Variants in TRIM50 observed in about 807,000 individuals in gnomAD.
TRIM50 encodes the protein tripartite motif containing 50, also known as E3 ubiquitin-protein ligase TRIM50.
A neutral mutation model predicts 44.9 loss-of-function variants in TRIM50; 34 were observed. That is an observed-to-expected ratio of 0.76 (90% CI 0.58 to 1.01). The LOEUF is 1.01. Among genes scored for constraint, TRIM50 ranks in the 50% least tolerant of loss-of-function variants. The pLI is 0.00. For synonymous variants in TRIM50, 307 were observed against 291.1 expected (o/e 1.05, Z -0.56); for missense variants, 633 against 663.7 (o/e 0.95, Z 0.51).
chr7:73,320,819 G>A (rs1299656874), intron 2 of TRIM50, among the ~76,000 whole-genome samples: 1 of 151,654 alleles, frequency 6.6e-6, no homozygotes, highest in East Asian at 1.9e-4. Flanking sequence ...CCTGAGGTCA[G>A]GAATTCGAGA....
chr7:73,327,228 G>C (rs1345264540), intron 1 of TRIM50, among the ~76,000 whole-genome samples: 1 of 152,090 alleles, frequency 6.6e-6, no homozygotes, highest in Non-Finnish European at 1.5e-5. Context: ...TATAATCCCA[G>C]CACTTTGGGA....
Position 73,312,776 on chromosome 7 carries a change from T to TA in TRIM50, c.*144dup. On this transcript the variant is annotated 3_prime_UTR_variant, in exon 7 of 7. Transcript: ENST00000333149. ...GGAAAGGGACTGGGGTCCTGTTCCC[T>TA]ATCATTACATGTTCCAGGGACACAC... The TA allele has an allele frequency of 1.5e-6, 1 of 665,430 alleles. No homozygotes were observed. Among genetic ancestry groups the TA allele is most frequent in the Admixed American group, 3.0e-5 (1 of 32,880 alleles). 41.2% of individuals were successfully genotyped at this position (665,430 alleles called of 1,614,324 possible). A position where few individuals can be genotyped will look rare whatever the true frequency, so the allele number is the denominator to read the frequency against.
chr7:73,322,606 C>T lies in TRIM50; in HGVS notation c.399+1783G>A, dbSNP rs560615211. 2.6e-5 allele frequency among the ~76,000 whole-genome samples: 4 copies of T among 152,346 alleles called. 1 individual carries two copies. The highest frequency in any genetic ancestry group is 4.1e-4 in the South Asian group (2 of 4,830). ...TCAGTCCTCAGAGACATTTCACACA[C>T]GTGATCTCCTTCAGTCTCTGTCTCT... On this transcript the variant is annotated intron_variant, in intron 2 of 6. Coordinates refer to ENST00000333149, the MANE Select transcript of TRIM50 (RefSeq NM_178125.3).
At chr7:73,314,069 C>A in intron 6 of TRIM50, 1 of 297,304 alleles carries the variant, frequency 3.4e-6, no homozygotes, top group South Asian at 4.1e-5. Context: ...GAGATGTGCT[C>A]CCCCCTGCCC....
At position 73,324,619 on chromosome 7, in the gene TRIM50, G is replaced by T. The variant is rs781860246; in HGVS notation, c.169C>A (p.Arg57=). ...GAGCTGCTGCCGTCCACCGCCTGCC[G>T]GCACACGGGGCAGCGCAGCTCGGCA... The part of the protein sequence containing the change: ...LDAELRCPVC[R]QAVDGSSSLP... Residue 57 remains arginine (R), a synonymous_variant, in exon 2 of 7, where the codon CGG becomes AGG. Coordinates refer to ENST00000333149, the MANE Select transcript of TRIM50 (RefSeq NM_178125.3). 1 of 1,614,174 alleles carries T rather than the reference G, an allele frequency of 6.2e-7. No individual in the cohort carries two copies. The highest frequency in any genetic ancestry group is 8.5e-7 in the Non-Finnish European group (1 of 1,180,026).
chr7:73,318,834 G>T lies in TRIM50; in HGVS notation c.714C>A (p.His238Gln), dbSNP rs534479353. ...CCTGTCCACTCACCCGGATGAACTT[G>T]TGGTGGTCCTCATTGCCGAACTGTT... ...VLEQFGNEDH[H>Q]KFIRKFHSMA... The change falls in exon 4 of 7, where the codon CAC becomes CAA. Residue 238 changes from histidine to glutamine, a missense_variant. By Grantham distance (24) the His-to-Gln change is conservative. Coordinates refer to ENST00000333149, the MANE Select transcript of TRIM50 (RefSeq NM_178125.3). 1.7e-5 allele frequency: 27 copies of T among 1,613,646 alleles called. No homozygotes were observed. Among genetic ancestry groups the T allele is most frequent in the Non-Finnish European group, 2.2e-5 (26 of 1,179,698 alleles).
At position 73,313,193 on chromosome 7, in the gene TRIM50, A is replaced by G; in HGVS notation, c.1192T>C (p.Phe398Leu). ...GGCAGGGGTACCCGGGGGCAGGCAA[A>G]GGCTTCGTACACCCGGCCCTCCTTC... ...GLKEGRVYEA[F>L]ACPRVPLPVA... The change falls in exon 7 of 7, where the codon TTT (phenylalanine) becomes CTT (leucine). Residue 398 changes from phenylalanine (F) to leucine (L), a missense_variant. Phe to Leu is a conservative substitution (Grantham distance 22). Transcript: ENST00000333149. This position sits in a 1 kb window ranked among gnomAD's most constrained non-coding sequence, Gnocchi z 4.9. The G allele has an allele frequency of 6.3e-7, 1 of 1,589,884 alleles. No individual in the cohort carries two copies. Among genetic ancestry groups the G allele is most frequent in the Non-Finnish European group, 8.6e-7 (1 of 1,168,482 alleles).
rs1554543606 is a variant in TRIM50, at chr7:73,313,505, C to G, written c.880G>C (p.Glu294Gln). The G allele has an allele frequency of 1.3e-6, 2 of 1,503,810 alleles. No homozygotes were observed. The highest frequency in any genetic ancestry group is 8.9e-7 in the Non-Finnish European group (1 of 1,127,388). The allele number at this position is 1,503,810 out of a possible 1,614,324, so 93.2% of individuals were successfully genotyped here. The change falls in exon 7 of 7, where the codon GAG becomes CAG. Residue 294 changes from glutamate to glutamine, a missense_variant. Physicochemically the swap from Glu to Gln is conservative, Grantham distance 29 (BLOSUM62 2). Transcript: ENST00000333149. The surrounding 1 kb of genome is among the most constrained non-coding windows in gnomAD (Gnocchi z 4.9). The stretch of plus-strand genomic sequence containing the variant: ...GTGGCAGGGTCCAACTTGAGAGGCT[C>G]CGGGGCTGGGAGGGAGATCACAGAG... ...RLFRKVLPAP[E>Q]PLKLDPATAH...
intron 5 of TRIM50, chr7:73,317,061 CT>C (rs138362703): frequency 0.053 from 8,492 of 161,516 alleles, 305 homozygotes; most frequent in Non-Finnish European, 0.071. Context: ...AGTAATGTGT[CT>C]TTTTTTTTTG....
rs1355069499 is a variant in TRIM50, at chr7:73,313,967, G to A, written c.875-457C>T. On this transcript the variant is annotated intron_variant, in intron 6 of 6. Coordinates refer to ENST00000333149, the MANE Select transcript of TRIM50 (RefSeq NM_178125.3). This position sits in a 1 kb window ranked among gnomAD's most constrained non-coding sequence, Gnocchi z 4.9. ...AGAACCCATAACAACTGCAGCTGTT[G>A]GATTTGCTAGCCTAGTCAGCCTATT... 7 of 232,512 alleles carry A rather than the reference G, an allele frequency of 3.0e-5. No homozygotes were observed. Among genetic ancestry groups the A allele is most frequent in the Non-Finnish European group, 5.0e-5 (6 of 119,956 alleles). 14.4% of individuals were successfully genotyped at this position (232,512 alleles called of 1,614,324 possible). A position where few individuals can be genotyped will look rare whatever the true frequency, so the allele number is the denominator to read the frequency against.
intron 2 of TRIM50, among the ~76,000 whole-genome samples, chr7:73,323,961 G>T (rs1215902428): frequency 2.6e-5 from 4 of 152,050 alleles, no homozygotes; most frequent in Admixed American, 6.5e-5. Flanking sequence ...GATTGCTTCA[G>T]CCTAGGAGTT....
At chr7:73,321,645 C>T (rs1245434123) in intron 2 of TRIM50, among the ~76,000 whole-genome samples, 7 of 152,174 alleles carry the variant, frequency 4.6e-5, no homozygotes, top group African/African-American at 7.2e-5. Context: ...ATCTACTGCA[C>T]GATTTGACCA....
chr7:73,321,080 C>T (rs1205444892), intron 2 of TRIM50, among the ~76,000 whole-genome samples: 3 of 151,784 alleles, frequency 2.0e-5, no homozygotes, highest in Non-Finnish European at 1.5e-5. Context: ...GCCTGTAATC[C>T]CAGCATTTTA....
chr7:73,315,992 T>G (rs1166927654), intron 6 of TRIM50, among the ~76,000 whole-genome samples: 1 of 151,966 alleles, frequency 6.6e-6, no homozygotes, highest in Non-Finnish European at 1.5e-5. Flanking sequence ...GTGATTCTCC[T>G]GCTTCAGGCT....
At chr7:73,314,079 C>T (rs534116549) in intron 6 of TRIM50, 43 of 301,558 alleles carry the variant, frequency 1.4e-4, no homozygotes, top group African/African-American at 7.6e-4. Flanking sequence ...CCCCCCTGCC[C>T]GCCTCCCACC....
intron 6 of TRIM50, chr7:73,314,330 C>T: frequency 2.7e-6 from 1 of 363,666 alleles, no homozygotes; most frequent in South Asian, 2.7e-5. Context: ...GTAGCAGAAA[C>T]TGTCTCCTGC....
intron 6 of TRIM50, chr7:73,314,307 C>A: frequency 2.9e-6 from 1 of 346,352 alleles, no homozygotes. Context: ...TGGCGGACAG[C>A]CATCCTCTAT....
chr7:73,318,746 G>A (rs565421644), intron 4 of TRIM50, 37 bp from the exon 5 acceptor site: 4 of 1,614,028 alleles, frequency 2.5e-6, no homozygotes, highest in Admixed American at 1.7e-5. Context: ...AGGCTAGAAG[G>A]TGGGAAGCTA....
intron 2 of TRIM50, among the ~76,000 whole-genome samples, chr7:73,322,933 C>T (rs1259844648): frequency 2.6e-5 from 4 of 152,226 alleles, no homozygotes; most frequent in Non-Finnish European, 5.9e-5. Flanking sequence ...CACCTGCCCA[C>T]GCCGGATCCT....
Sources: gnomAD v4.1 joint callset for allele counts (sites outside exome capture counted in the v4.1 genomes callset) on GRCh38, gnomAD v4.1.1 for gene constraint, Gnocchi (gnomAD v3.1) non-coding constraint, MANE v1.5 for transcripts, NCBI Gene and HGNC (gene_info 2026-07-23, HGNC 2026-07-21) for gene names.